ZFPM2: variants seen among roughly 807,000 people sequenced by gnomAD.
ZFPM2 encodes the protein zinc finger protein, FOG family member 2.
A neutral mutation model predicts 98.6 loss-of-function variants in ZFPM2; 20 were observed. That is an observed-to-expected ratio of 0.20 (90% confidence interval 0.14 to 0.29). The LOEUF (loss-of-function observed/expected upper bound fraction) is 0.29. Among genes scored for constraint, ZFPM2 ranks in the 10% least tolerant of loss-of-function variants. ZFPM2 has a pLI of 1.00. For synonymous variants in ZFPM2, 518 were observed against 502.7 expected, an observed-to-expected ratio of 1.03 and a Z score of -0.41; for missense variants, 1,310 against 1,388.6, an observed-to-expected ratio of 0.94 and a Z score of 0.90.
chr8:105,659,225 CA>C (rs920442470), intron 5 of ZFPM2, among the ~76,000 whole-genome samples: 1 of 151,518 alleles, frequency 6.6e-6, no homozygotes, highest in Non-Finnish European at 1.5e-5. Context: ...AGAAACTTCT[CA>C]AAACCTAAAT....
intron 5 of ZFPM2, among the ~76,000 whole-genome samples, chr8:105,671,270 T>C (rs986315022): frequency 1.3e-5 from 2 of 152,036 alleles, no homozygotes; most frequent in East Asian, 1.9e-4. Flanking sequence ...ACCAATTTTT[T>C]TGAACCTTCA....
intron 1 of ZFPM2, among the ~76,000 whole-genome samples, chr8:105,390,228 G>C (rs1439802543): frequency 2.6e-5 from 4 of 152,038 alleles, no homozygotes; most frequent in Non-Finnish European, 4.4e-5. Flanking sequence ...CTGACTAACA[G>C]GCTACAAATT....
chr8:105,737,143 G>A (rs534066657), intron 5 of ZFPM2: 1 of 152,082 alleles, frequency 6.6e-6, no homozygotes, highest in Admixed American at 6.5e-5. Flanking sequence ...GAGTTTGTGT[G>A]CATGATCATC....
intron 1 of ZFPM2, among the ~76,000 whole-genome samples, chr8:105,349,517 G>C (rs1812603684): frequency 6.6e-6 from 1 of 152,100 alleles, no homozygotes. Flanking sequence ...CAGTAACTCT[G>C]TTTTACTAAA....
At chr8:105,536,677 G>T (rs1365365838) in intron 3 of ZFPM2, among the ~76,000 whole-genome samples, 1 of 152,104 alleles carries the variant, frequency 6.6e-6, no homozygotes, top group Non-Finnish European at 1.5e-5. Context: ...GAATAAGATA[G>T]CCAGAAGATC....
chr8:105,655,755 T>G (rs1435183369), intron 5 of ZFPM2, among the ~76,000 whole-genome samples: 1 of 152,144 alleles, frequency 6.6e-6, no homozygotes, highest in Non-Finnish European at 1.5e-5. Flanking sequence ...CAGTACACAG[T>G]ACAAACAAAG....
intron 3 of ZFPM2, among the ~76,000 whole-genome samples, chr8:105,459,667 A>G (rs1812667211): frequency 6.6e-6 from 1 of 151,992 alleles, no homozygotes; most frequent in Non-Finnish European, 1.5e-5. Context: ...TCCTCGCCTT[A>G]CTTTTTCTGC....
At chr8:105,727,112 AC>A (rs1201744069) in intron 5 of ZFPM2, among the ~76,000 whole-genome samples, 1 of 151,250 alleles carries the variant, frequency 6.6e-6, no homozygotes, top group Non-Finnish European at 1.5e-5. Flanking sequence ...ATGTTTTAAA[AC>A]TTTTATTGTA....
intron 5 of ZFPM2, among the ~76,000 whole-genome samples, chr8:105,757,632 C>G (rs1812634183): frequency 6.6e-6 from 1 of 152,004 alleles, no homozygotes; most frequent in Non-Finnish European, 1.5e-5. Flanking sequence ...TTTTTAAAGA[C>G]TTAATTAAAT....
At chr8:105,483,406 A>G (rs1813163325) in intron 3 of ZFPM2, among the ~76,000 whole-genome samples, 1 of 151,930 alleles carries the variant, frequency 6.6e-6, no homozygotes. Context: ...CTTGGCCAAC[A>G]TGGTGAAACC....
intron 3 of ZFPM2, among the ~76,000 whole-genome samples, chr8:105,455,375 A>T (rs1812568324): frequency 6.6e-6 from 1 of 152,144 alleles, no homozygotes; most frequent in Non-Finnish European, 1.5e-5. Flanking sequence ...CCTGGGCAGA[A>T]TATGCAGCTT....
chr8:105,611,928 C>T (rs1251783872), intron 4 of ZFPM2, among the ~76,000 whole-genome samples: 1 of 151,928 alleles, frequency 6.6e-6, no homozygotes, highest in Non-Finnish European at 1.5e-5. Flanking sequence ...GAACTCCTGA[C>T]CTCAGGCGAT....
rs139930523 is a variant in ZFPM2 at position 105,336,688 on chromosome 8, CCACACACACACA to C, written c.40+17738_40+17749del. 2.4e-3 allele frequency among the ~76,000 whole-genome samples: 348 copies of C among 142,256 alleles called. 3 individuals are homozygous for C. Among genetic ancestry groups the C allele is most frequent in the Non-Finnish European group, 4.2e-3 (270 of 64,386 alleles). 93.3% of individuals were successfully genotyped at this position (142,256 alleles called of 152,430 possible). On this transcript the variant is annotated intron_variant, in intron 1 of 7. Transcript: ENST00000407775. ...GATTGATATTAAAATGTAATATACT[CCACACACACACA>C]CACACACACACACACACACACACAC...
intron 3 of ZFPM2, among the ~76,000 whole-genome samples, chr8:105,535,870 CT>C (rs1472440936): frequency 1.3e-5 from 2 of 152,104 alleles, no homozygotes; most frequent in Admixed American, 6.6e-5. Flanking sequence ...CCCTTTGTGA[CT>C]GTTTTTAAAA....
chr8:105,680,799 A>G (rs1374493188), intron 5 of ZFPM2, among the ~76,000 whole-genome samples: 1 of 152,170 alleles, frequency 6.6e-6, no homozygotes. Flanking sequence ...GATCTCTAAA[A>G]TGCTTCATGA....
intron 3 of ZFPM2, among the ~76,000 whole-genome samples, chr8:105,541,772 A>C (rs767841369): frequency 2.0e-5 from 3 of 152,192 alleles, no homozygotes; most frequent in Non-Finnish European, 4.4e-5. Context: ...TCAGCACTGT[A>C]TATCTCACAT....
At chr8:105,532,099 G>A (rs1814308743) in intron 3 of ZFPM2, among the ~76,000 whole-genome samples, 1 of 151,960 alleles carries the variant, frequency 6.6e-6, no homozygotes, top group South Asian at 2.1e-4. Flanking sequence ...ACAGGGTTTA[G>A]CCATGTTGCC....
At chr8:105,476,288 C>T (rs1221417304) in intron 3 of ZFPM2, among the ~76,000 whole-genome samples, 2 of 152,098 alleles carry the variant, frequency 1.3e-5, no homozygotes, top group Admixed American at 6.6e-5. Flanking sequence ...GAGTGGCGGG[C>T]GAGTGAGCAT....
At chr8:105,719,845 T>G (rs1554576139) in intron 5 of ZFPM2, among the ~76,000 whole-genome samples, 1 of 151,858 alleles carries the variant, frequency 6.6e-6, no homozygotes, top group Non-Finnish European at 1.5e-5. Context: ...ATACCAGTGG[T>G]CTTTTGTGGT....
Sources: gnomAD v4.1 joint callset for allele counts (sites outside exome capture counted in the v4.1 genomes callset) on GRCh38, gnomAD v4.1.1 for gene constraint, MANE v1.5 for transcripts, NCBI Gene and HGNC (gene_info 2026-07-23, HGNC 2026-07-21) for gene names.